The following PURG variants were observed in gnomAD, a reference collection of about 807,000 sequenced individuals.
The protein encoded by PURG is purine-rich element-binding protein gamma.
Under a neutral mutation model 24.3 loss-of-function variants are expected in PURG, and 3 were observed. The observed-to-expected ratio is 0.12, with a 90% CI of 0.06 to 0.32. The LOEUF (loss-of-function observed/expected upper bound fraction) is 0.32. Ranked by LOEUF, PURG falls within the 10% of genes least tolerant of loss-of-function variation. The pLI is 1.00. For synonymous variants in PURG, 180 were observed against 173.1 expected (o/e 1.04, Z -0.31); for missense variants, 371 against 439.1 (o/e 0.84, Z 1.39).
intron 1 of PURG, among the ~76,000 whole-genome samples, chr8:31,000,625 G>A (rs1320952318): frequency 6.6e-6 from 1 of 151,854 alleles, no homozygotes; most frequent in Non-Finnish European, 1.5e-5. Context: ...GGTGAAAGCT[G>A]GTAAGAACAT....
At position 31,032,387 on chromosome 8, in the gene PURG, T is replaced by C. The variant is rs768016013; in HGVS notation, c.396A>G (p.Lys132=). 2 of 1,613,534 alleles carry C rather than the reference T, an allele frequency of 1.2e-6. No individual in the cohort carries two copies. The highest frequency in any genetic ancestry group is 1.7e-6 in the Non-Finnish European group (2 of 1,180,022). The change falls in exon 2 of 2, where the codon AAA becomes AAG. Residue 132 remains lysine, a synonymous_variant. Coordinates refer to ENST00000523392, the MANE Select transcript of PURG (RefSeq NM_001323311.2). The surrounding 1 kb of genome is among the most constrained non-coding windows in gnomAD (Gnocchi z 5.9). ...FIEHYAHLGL[K]GHRQEHGHSK... ...TGTGGCCATGCTCTTGCCGGTGGCC[T>C]TTCAGGCCCAGGTGGGCATAGTGCT...
At chr8:31,008,218 TTAA>T (rs1161566154) in intron 1 of PURG, among the ~76,000 whole-genome samples, 3 of 152,236 alleles carry the variant, frequency 2.0e-5, no homozygotes, top group Non-Finnish European at 4.4e-5. Context: ...TTGGGAAGAA[TTAA>T]TAATGATGTT....
chr8:31,001,136 C>CAT (rs1407625371), intron 1 of PURG, among the ~76,000 whole-genome samples: 1 of 152,126 alleles, frequency 6.6e-6, no homozygotes, highest in Non-Finnish European at 1.5e-5. Context: ...ATTTAGCTCA[C>CAT]ATAATACCCA....
downstream of PURG, among the ~76,000 whole-genome samples, chr8:31,026,989 T>G (rs918789128): frequency 2.0e-5 from 3 of 151,718 alleles, no homozygotes; most frequent in African/African-American, 7.2e-5. Context: ...AAAACCCAAT[T>G]TTCACATGAT....
chr8:31,000,524 AGAATG>A (rs1347954989), intron 1 of PURG, among the ~76,000 whole-genome samples: 3 of 152,164 alleles, frequency 2.0e-5, no homozygotes, highest in Admixed American at 2.0e-4. Flanking sequence ...GAGGAGAGAG[AGAATG>A]TAAGATTACG....
chr8:31,018,502 C>G (rs1263960179), intron 1 of PURG, among the ~76,000 whole-genome samples: 1 of 152,126 alleles, frequency 6.6e-6, no homozygotes, highest in Admixed American at 6.5e-5. Flanking sequence ...TTTATTCTGC[C>G]TGAAGCCTAC....
intron 1 of PURG, among the ~76,000 whole-genome samples, chr8:31,002,274 T>C (rs1810552109): frequency 6.6e-6 from 1 of 152,220 alleles, no homozygotes; most frequent in African/African-American, 2.4e-5. Context: ...TGAAAGTCTC[T>C]TCTAGCCCTA....
chr8:31,005,041 A>C (rs1239395926), intron 1 of PURG, among the ~76,000 whole-genome samples: 1 of 152,232 alleles, frequency 6.6e-6, no homozygotes, highest in Non-Finnish European at 1.5e-5. Flanking sequence ...TGTTTTAAAA[A>C]AGTATCATCA....
chr8:31,011,042 T>C (rs1328968222), intron 1 of PURG, among the ~76,000 whole-genome samples: 1 of 152,216 alleles, frequency 6.6e-6, no homozygotes, highest in Non-Finnish European at 1.5e-5. Context: ...TTAGTAAATC[T>C]CATTTGGTTG....
chr8:31,032,907 C>G lies in PURG; in HGVS notation c.-6-119G>C. The G allele has an allele frequency of 1.4e-6, 1 of 711,998 alleles. No homozygotes were observed. Among genetic ancestry groups the G allele is most frequent in the African/African-American group, 1.9e-5 (1 of 52,432 alleles). 44.1% of individuals were successfully genotyped at this position (711,998 alleles called of 1,614,324 possible). A position where few individuals can be genotyped will look rare whatever the true frequency, so the allele number is the denominator to read the frequency against. ...CGCGACCCCCACGCCGGGCCCGGCT[C>G]CCCCGGCGCCGCAGCGCGGGGCTCC... On this transcript the variant is annotated intron_variant, in intron 1 of 1. Coordinates refer to ENST00000523392, the MANE Select transcript of PURG (RefSeq NM_001323311.2). The surrounding 1 kb of genome is among the most constrained non-coding windows in gnomAD (Gnocchi z 5.9).
chr8:31,028,702 C>T (rs1183316830), downstream of PURG, among the ~76,000 whole-genome samples: 1 of 151,746 alleles, frequency 6.6e-6, no homozygotes, highest in Non-Finnish European at 1.5e-5. Flanking sequence ...CTTTATAATA[C>T]ATTGCATCTT....
At chr8:31,019,853 G>A (rs1007043482) in intron 1 of PURG, among the ~76,000 whole-genome samples, 1 of 150,776 alleles carries the variant, frequency 6.6e-6, no homozygotes, top group Non-Finnish European at 1.5e-5. Context: ...TTTTAAAGCA[G>A]TGAGTTCAAT....
rs1002904076 is a variant in PURG at position 31,001,412 on chromosome 8, A to G, written c.865-4715T>C. Among the ~76,000 whole-genome samples the G allele has an allele frequency of 3.2e-4, 48 of 152,206 alleles. 1 individual carries two copies. The highest frequency in any genetic ancestry group is 2.0e-4 in the Admixed American group (3 of 15,276). On this transcript the variant is annotated intron_variant, in intron 1 of 1. Coordinates refer to the PURG transcript ENST00000339382. Reference sequence around the variant, plus strand: ...AACAGTTATTTCTCACCATATCCCAATGAGCAAGGCAAAGTTAATGCATTG... The same window carrying G: ...AACAGTTATTTCTCACCATATCCCAGTGAGCAAGGCAAAGTTAATGCATTG...
Position 31,032,971 on chromosome 8 carries a change from T to C in PURG, c.-7+107A>G, listed in dbSNP as rs1226830719. ...CGGTTGGCGGCCGCCGCTCCGGCTCTGCCCGCGCTCCCCGCATCCCTCCGC... is the reference window on the plus strand; with the variant it reads ...CGGTTGGCGGCCGCCGCTCCGGCTCCGCCCGCGCTCCCCGCATCCCTCCGC... On this transcript the variant is annotated intron_variant, in intron 1 of 1. Transcript: ENST00000523392. The surrounding 1 kb of genome is among the most constrained non-coding windows in gnomAD (Gnocchi z 5.9). The C allele has an allele frequency of 5.1e-6, 1 of 195,660 alleles. No individual in the cohort carries two copies. The highest frequency in any genetic ancestry group is 2.5e-5 in the African/African-American group (1 of 40,562). 12.1% of individuals were successfully genotyped at this position (195,660 alleles called of 1,614,324 possible).
At chr8:31,010,068 G>A (rs569755605) in intron 1 of PURG, among the ~76,000 whole-genome samples, 2 of 152,130 alleles carry the variant, frequency 1.3e-5, no homozygotes, top group Non-Finnish European at 2.9e-5. Context: ...CTGCACTCCG[G>A]CCTGGGTGAC....
At chr8:31,012,897 T>C (rs982752694) in intron 1 of PURG, among the ~76,000 whole-genome samples, 3 of 152,182 alleles carry the variant, frequency 2.0e-5, no homozygotes, top group Non-Finnish European at 2.9e-5. Context: ...ATTTTTGGAG[T>C]TTATTAATTA....
chr8:31,012,145 A>T (rs1233013353), intron 1 of PURG, among the ~76,000 whole-genome samples: 1 of 152,200 alleles, frequency 6.6e-6, no homozygotes, highest in African/African-American at 2.4e-5. Context: ...GGGGAATACA[A>T]AAGAGGAAGA....
At chr8:30,997,716 A>T (rs1810456800) in intron 1 of PURG, among the ~76,000 whole-genome samples, 1 of 151,774 alleles carries the variant, frequency 6.6e-6, no homozygotes, top group Admixed American at 6.6e-5. Flanking sequence ...TGTTGAAAAA[A>T]TTTCTTGGAT....
chr8:31,009,199 T>G (rs1454577419), intron 1 of PURG, among the ~76,000 whole-genome samples: 2 of 151,982 alleles, frequency 1.3e-5, no homozygotes, highest in Non-Finnish European at 2.9e-5. Context: ...TCAAAATGGG[T>G]GGATCACTTG....
Sources: allele counts gnomAD v4.1 joint callset (sites outside exome capture counted in the v4.1 genomes callset), GRCh38; gene constraint gnomAD v4.1.1; non-coding constraint Gnocchi (gnomAD v3.1); transcripts MANE v1.5; gene names NCBI Gene and HGNC (gene_info 2026-07-23, HGNC 2026-07-21).